SNX30: variants seen among roughly 807,000 people sequenced by gnomAD.
SNX30 encodes sorting nexin-30.
In SNX30, 24 loss-of-function variants were observed where a neutral mutation model predicts 46.4. That is an observed-to-expected ratio of 0.52 (90% CI 0.37 to 0.73). The LOEUF is 0.73. SNX30 is among the 30% of genes least tolerant of loss of function. The pLI, the probability that SNX30 is intolerant of heterozygous loss-of-function variation, is 0.00. For synonymous variants in SNX30, 189 were observed against 211.5 expected (o/e 0.89, Z 0.92); for missense variants, 533 against 555.7 (o/e 0.96, Z 0.41).
At chr9:112,863,002 T>C (rs891614103) in intron 7 of SNX30, among the ~76,000 whole-genome samples, 2 of 152,202 alleles carry the variant, frequency 1.3e-5, no homozygotes, top group African/African-American at 4.8e-5. Flanking sequence ...CACCCATGTC[T>C]AGTTCCCGTG....
intron 1 of SNX30, among the ~76,000 whole-genome samples, chr9:112,769,486 A>G (rs1839610301): frequency 6.6e-6 from 1 of 152,160 alleles, no homozygotes; most frequent in African/African-American, 2.4e-5. Context: ...GGGCACAACT[A>G]AGGCATCTCT....
chr9:112,868,425 C>G (rs999113651), intron 8 of SNX30, among the ~76,000 whole-genome samples: 1 of 152,138 alleles, frequency 6.6e-6, no homozygotes. Flanking sequence ...CCATCCCTGC[C>G]GAGATTCTAG....
In SNX30 at chr9:112,873,622, C is replaced by T. The variant is rs990999833; in HGVS notation, c.*4779C>T. On this transcript the variant is annotated 3_prime_UTR_variant, in exon 9 of 9. Transcript: ENST00000374232. ...ATATTTTTGATAATGTAAGGAAACA[C>T]AGGGACCACAAAACCTTTTTTTTTT... 2 of 126,600 alleles carry T rather than the reference C, an allele frequency of 1.6e-5. No homozygotes were observed. Among genetic ancestry groups the T allele is most frequent in the African/African-American group, 2.9e-5 (1 of 34,410 alleles). 7.8% of individuals were successfully genotyped at this position (126,600 alleles called of 1,614,324 possible).
At chr9:112,863,053 C>T (rs765274890) in intron 7 of SNX30, among the ~76,000 whole-genome samples, 5 of 152,176 alleles carry the variant, frequency 3.3e-5, no homozygotes, top group Non-Finnish European at 5.9e-5. Flanking sequence ...CATGTCTCTT[C>T]CCTGACTCCT....
exon 5 of SNX30, chr9:112,880,123 G>T: frequency 4.2e-6 from 1 of 237,266 alleles, no homozygotes; most frequent in Non-Finnish European, 8.2e-6. Flanking sequence ...CTGAAGTCAG[G>T]AGTTCGAGAC....
intron 1 of SNX30, among the ~76,000 whole-genome samples, chr9:112,797,716 T>TC (rs1265049745): frequency 4.8e-5 from 7 of 145,050 alleles, no homozygotes; most frequent in South Asian, 2.2e-4. Context: ...TTTTTCTTTT[T>TC]TTTTTTTTTT....
intron 2 of SNX30, among the ~76,000 whole-genome samples, chr9:112,805,254 G>T (rs759856699): frequency 1.6e-4 from 24 of 151,772 alleles, no homozygotes; most frequent in Non-Finnish European, 1.5e-4. Flanking sequence ...TATTTAACAT[G>T]TTAATATCAT....
At chr9:112,827,026 C>T (rs751424209) in intron 3 of SNX30, among the ~76,000 whole-genome samples, 67 of 152,162 alleles carry the variant, frequency 4.4e-4, no homozygotes, top group Non-Finnish European at 8.1e-4. Context: ...ACTCTATTCC[C>T]CTCTCTTCTT....
At chr9:112,834,694 G>A (rs2131452166) in intron 4 of SNX30, among the ~76,000 whole-genome samples, 1 of 152,272 alleles carries the variant, frequency 6.6e-6, no homozygotes, top group East Asian at 1.9e-4. Flanking sequence ...TTCGAGTCCT[G>A]CCTTGGGGCA....
chr9:112,821,425 A>G lies in SNX30; in HGVS notation c.459+3610A>G, dbSNP rs189366361. ...TTTATATATATGTGTGTATATATAT[A>G]TGTGTGTTTGTATATATGTGTATAT... On this transcript the variant is annotated intron_variant, in intron 3 of 8. Transcript: ENST00000374232. Among the ~76,000 whole-genome samples the G allele has an allele frequency of 2.1e-3, 320 of 151,430 alleles. 1 individual carries two copies. Among genetic ancestry groups the G allele is most frequent in the Non-Finnish European group, 3.6e-3 (246 of 67,922 alleles).
intron 6 of SNX30, among the ~76,000 whole-genome samples, chr9:112,846,896 C>T (rs1304736237): frequency 1.3e-5 from 2 of 152,160 alleles, no homozygotes; most frequent in South Asian, 2.1e-4. Flanking sequence ...AGTTTGTGAG[C>T]CCACAGCCTT....
At chr9:112,756,214 T>G (rs917053145) in intron 1 of SNX30, among the ~76,000 whole-genome samples, 6 of 151,658 alleles carry the variant, frequency 4.0e-5, no homozygotes, top group Non-Finnish European at 8.9e-5. Context: ...CAAGAAATGT[T>G]AGACAAGCAG....
At chr9:112,815,922 T>G (rs2131418751) in intron 2 of SNX30, among the ~76,000 whole-genome samples, 1 of 152,274 alleles carries the variant, frequency 6.6e-6, no homozygotes, top group South Asian at 2.1e-4. Context: ...CTCACTGCAG[T>G]CGTCTCGACC....
Position 112,830,722 on chromosome 9 carries a change from T to C in SNX30, c.460-3T>C, listed in dbSNP as rs1422499369. Reference sequence around the variant, plus strand: ...TCTGGTTTTTTTCTTCATGTCTTCATAGCCTCTTCCCGAGAAGTTTGTGGT... The same window carrying C: ...TCTGGTTTTTTTCTTCATGTCTTCACAGCCTCTTCCCGAGAAGTTTGTGGT... On this transcript the variant is annotated splice_region_variant and splice_polypyrimidine_tract_variant and intron_variant, in intron 3 of 8. Coordinates refer to ENST00000374232, the MANE Select transcript of SNX30 (RefSeq NM_001012994.2). The C allele has an allele frequency of 6.2e-7, 1 of 1,607,542 alleles. No homozygotes were observed. Among genetic ancestry groups the C allele is most frequent in the South Asian group, 1.1e-5 (1 of 89,886 alleles).
In SNX30 at chr9:112,838,734, C is replaced by G. The variant is rs751554161; in HGVS notation, c.1014+37C>G. 3 of 1,578,672 alleles carry G rather than the reference C, an allele frequency of 1.9e-6. No homozygotes were observed. The Admixed American group carries it at 5.0e-5, about 26-fold the overall frequency. On this transcript the variant is annotated intron_variant, in intron 6 of 8. Transcript: ENST00000374232. ...TGCTTCTTGTGTATTTGCATACTTT[C>G]TTTGTAATAGCAGTTATCAGAAAGT...
At chr9:112,832,859 A>T (rs1037136827) in intron 4 of SNX30, among the ~76,000 whole-genome samples, 1 of 143,622 alleles carries the variant, frequency 7.0e-6, no homozygotes, top group Admixed American at 7.1e-5. Context: ...ATATATAATA[A>T]ATATAATATA....
At chr9:112,783,449 A>G (rs1042148382) in intron 1 of SNX30, among the ~76,000 whole-genome samples, 3 of 152,218 alleles carry the variant, frequency 2.0e-5, no homozygotes, top group Non-Finnish European at 4.4e-5. Flanking sequence ...GTGAACTTAA[A>G]CATTTAATTT....
chr9:112,847,917 T>A (rs921935470), intron 6 of SNX30, among the ~76,000 whole-genome samples: 3 of 152,178 alleles, frequency 2.0e-5, no homozygotes, highest in Non-Finnish European at 2.9e-5. Context: ...AGTTACCTAC[T>A]ATATATTTTA....
At chr9:112,771,977 A>G (rs1391607335) in intron 1 of SNX30, among the ~76,000 whole-genome samples, 1 of 152,100 alleles carries the variant, frequency 6.6e-6, no homozygotes, top group Non-Finnish European at 1.5e-5. Context: ...TTCCTGGTTC[A>G]AGTCATGGAG....
Sources: gnomAD v4.1 joint callset for allele counts (sites outside exome capture counted in the v4.1 genomes callset) on GRCh38, gnomAD v4.1.1 for gene constraint, MANE v1.5 for transcripts, NCBI Gene and HGNC (gene_info 2026-07-23, HGNC 2026-07-21) for gene names.